The following PIGN variants were observed in gnomAD, a reference collection of about 807,000 sequenced individuals.
PIGN encodes the protein GPI ethanolamine phosphate transferase 1.
Under a neutral mutation model 125.4 loss-of-function variants are expected in PIGN, and 117 were observed. That is an observed-to-expected ratio of 0.93 (90% CI 0.80 to 1.09). PIGN has a LOEUF of 1.09. Among genes scored for constraint, PIGN ranks in the 50% least tolerant of loss-of-function variants. The pLI is 0.00. For synonymous variants in PIGN, 392 were observed against 377.8 expected (o/e 1.04, Z -0.44); for missense variants, 1,075 against 1,094.9 (o/e 0.98, Z 0.26).
chr18:62,082,325 AG>A, intron 28 of PIGN, among the ~76,000 whole-genome samples: 1 of 152,284 alleles, frequency 6.6e-6, no homozygotes, highest in Middle Eastern at 3.4e-3. Flanking sequence ...CCAAAATAAA[AG>A]TTAGAGTATC....
At chr18:62,109,739 T>C in intron 17 of PIGN, 95 bp downstream of exon 17, 1 of 1,037,792 alleles carries the variant, frequency 9.6e-7, no homozygotes, top group South Asian at 1.8e-5. Context: ...TATAAATATA[T>C]TTGATGACTT....
intron 14 of PIGN, chr18:62,135,650 G>T (rs1391543936): frequency 1.7e-5 from 2 of 114,608 alleles, no homozygotes; most frequent in Non-Finnish European, 3.3e-5. Context: ...TTCAGACAGG[G>T]TCTCACTCTG....
At chr18:62,165,608 T>C (rs1413819511) in intron 1 of PIGN, among the ~76,000 whole-genome samples, 1 of 152,180 alleles carries the variant, frequency 6.6e-6, no homozygotes, top group East Asian at 1.9e-4. Context: ...AGGCAGACAG[T>C]TGCTGTGAAA....
intron 28 of PIGN, among the ~76,000 whole-genome samples, chr18:62,077,117 C>T (rs977919381): frequency 1.4e-4 from 21 of 152,154 alleles, no homozygotes; most frequent in Non-Finnish European, 5.9e-5. Flanking sequence ...GTGGCTCACA[C>T]CTGTAATCCC....
At chr18:62,093,255 AAAAACT>A (rs1488898225) in intron 23 of PIGN, among the ~76,000 whole-genome samples, 4 of 152,102 alleles carry the variant, frequency 2.6e-5, no homozygotes. Flanking sequence ...ATTTCCTTTC[AAAAACT>A]ATACATTATG....
chr18:62,103,811 G>A (rs967295425), intron 20 of PIGN: 5 of 152,032 alleles, frequency 3.3e-5, no homozygotes, highest in Non-Finnish European at 5.9e-5. Flanking sequence ...TAAGGAGAAA[G>A]GTAATCATAT....
chr18:62,138,284 C>A lies in PIGN; in HGVS notation c.1131G>T (p.Gln377His). ...ILEQFKVKMT[Q>H]KKEVTLPFLF... ...AAAATGGTAAAGTAACTTCTTTCTT[C>A]TGAGTCATTTTCACCTGGGAACCAA... Residue 377 changes from glutamine to histidine, a missense_variant, in exon 14 of 31, where the codon CAG becomes CAT. By Grantham distance (24) the Gln-to-His change is conservative. Transcript: ENST00000640252. The A allele has an allele frequency of 1.3e-6, 2 of 1,545,178 alleles. No homozygotes were observed. Among genetic ancestry groups the A allele is most frequent in the South Asian group, 2.4e-5 (2 of 81,772 alleles).
At chr18:62,065,552 G>C (rs571054987) in intron 30 of PIGN, among the ~76,000 whole-genome samples, 7 of 151,962 alleles carry the variant, frequency 4.6e-5, no homozygotes, top group East Asian at 1.9e-4. Context: ...TCCTGGCTAA[G>C]ATGGTGAAAC....
At chr18:62,141,322 T>C (rs1309896859) in intron 11 of PIGN, among the ~76,000 whole-genome samples, 1 of 152,222 alleles carries the variant, frequency 6.6e-6, no homozygotes, top group African/African-American at 2.4e-5. Flanking sequence ...ATAAAACTTA[T>C]AAAGTACCTG....
chr18:62,073,991 CA>C (rs1342439800), intron 29 of PIGN, among the ~76,000 whole-genome samples: 7 of 152,142 alleles, frequency 4.6e-5, no homozygotes, highest in Non-Finnish European at 2.9e-5. Flanking sequence ...AAAGGTCAGC[CA>C]GGTAGGCAGT....
chr18:62,095,789 AT>A, intron 23 of PIGN, 58 bp downstream of exon 23: 3 of 889,466 alleles, frequency 3.4e-6, no homozygotes, highest in Non-Finnish European at 5.5e-6. Context: ...AATAGAGAAA[AT>A]ATCAATATAT....
At chr18:62,094,875 G>T (rs1208913958) in intron 23 of PIGN, among the ~76,000 whole-genome samples, 2 of 152,094 alleles carry the variant, frequency 1.3e-5, no homozygotes, top group East Asian at 3.9e-4. Flanking sequence ...GGCCCCACTG[G>T]ATCATCTCTT....
intron 30 of PIGN, among the ~76,000 whole-genome samples, chr18:62,068,697 C>T (rs1046425068): frequency 6.6e-6 from 1 of 152,154 alleles, no homozygotes. Flanking sequence ...GCCTGAAATG[C>T]TCGCTTGATT....
intron 14 of PIGN, among the ~76,000 whole-genome samples, chr18:62,115,594 CA>C (rs2035058316): frequency 1.5e-5 from 2 of 134,950 alleles, no homozygotes; most frequent in Admixed American, 1.7e-4. Context: ...CTACTTGGCT[CA>C]AGCAGTCTCT....
At position 62,107,043 on chromosome 18, in the gene PIGN, A is replaced by G. The variant is rs147306123; in HGVS notation, c.1617T>C (p.Tyr539=). The change falls in exon 18 of 31, where the codon TAT becomes TAC. Residue 539 remains tyrosine (Y), a synonymous_variant. Transcript: ENST00000640252. The stretch of plus-strand genomic sequence containing the variant: ...GGTACCCAACAAAATGGCTCAGAGG[A>G]TAGGTCAACACTGATACAACAAGGT... ...IQDLVVSVLT[Y]PLSHFVGYLL... is the part of the protein sequence containing the mutation. 6,181 of 1,590,276 alleles carry G rather than the reference A, an allele frequency of 3.9e-3. 15 individuals are homozygous for G. The highest frequency in any genetic ancestry group is 4.9e-3 in the Non-Finnish European group (5,705 of 1,167,812).
chr18:62,085,315 C>T (rs1298561229), intron 25 of PIGN, 51 bp from the exon 26 acceptor site: 1 of 1,241,060 alleles, frequency 8.1e-7, no homozygotes, highest in Non-Finnish European at 1.1e-6. Flanking sequence ...ATACAAATTT[C>T]CTTTTCATTT....
intron 23 of PIGN, among the ~76,000 whole-genome samples, chr18:62,028,377 G>A (rs79079487): frequency 0.015 from 2,254 of 152,296 alleles, 87 homozygotes; most frequent in East Asian, 0.11. Context: ...CCCTCTTGGC[G>A]TAGGCTTTGG....
chr18:62,048,506 T>C (rs962484379), intron 30 of PIGN, among the ~76,000 whole-genome samples: 2 of 151,822 alleles, frequency 1.3e-5, no homozygotes, highest in African/African-American at 2.4e-5. Context: ...TCAGAAAATA[T>C]GGAAACCAGC....
chr18:62,122,346 G>T (rs1215559632), intron 14 of PIGN, among the ~76,000 whole-genome samples: 1 of 151,958 alleles, frequency 6.6e-6, no homozygotes, highest in Non-Finnish European at 1.5e-5. Flanking sequence ...AAAATTCCTA[G>T]ATTACTCATA....
Sources: allele counts gnomAD v4.1 joint callset (sites outside exome capture counted in the v4.1 genomes callset), GRCh38; gene constraint gnomAD v4.1.1; transcripts MANE v1.5; gene names NCBI Gene and HGNC (gene_info 2026-07-23, HGNC 2026-07-21).